Variants in NRXN1 observed in about 807,000 individuals in gnomAD.
The protein encoded by NRXN1 is neurexin 1, also known as neurexin-1.
In NRXN1, 39 loss-of-function variants were observed where a neutral mutation model predicts 150.9. The observed-to-expected ratio is 0.26, with a 90% CI of 0.20 to 0.34. The LOEUF (loss-of-function observed/expected upper bound fraction) is 0.34. Ranked by LOEUF, NRXN1 falls within the 10% of genes least tolerant of loss-of-function variation. The pLI, the probability that NRXN1 is intolerant of heterozygous loss-of-function variation, is 1.00. For missense variants in NRXN1, 1,815 were observed against 1,949.9 expected, an observed-to-expected ratio of 0.93 and a Z score of 1.30; for synonymous variants, 924 against 757.0, an observed-to-expected ratio of 1.22 and a Z score of -3.62.
intron 5 of NRXN1, among the ~76,000 whole-genome samples, chr2:50,855,138 G>A (rs1455361120): frequency 6.6e-6 from 1 of 151,830 alleles, no homozygotes; most frequent in African/African-American, 2.4e-5. Flanking sequence ...GTGGAGTGTG[G>A]GAGGTGGTTC....
chr2:50,633,404 T>C (rs1247019264), intron 5 of NRXN1, among the ~76,000 whole-genome samples: 1 of 152,110 alleles, frequency 6.6e-6, no homozygotes, highest in East Asian at 1.9e-4. Context: ...GGGTAATAAA[T>C]ATGTGATAAG....
chr2:50,385,170 C>T (rs1254143545), intron 17 of NRXN1, among the ~76,000 whole-genome samples: 1 of 152,218 alleles, frequency 6.6e-6, no homozygotes, highest in African/African-American at 2.4e-5. Context: ...TTTCCCCCAA[C>T]TTTCCCATTT....
chr2:50,389,705 A>C (rs547761871), intron 17 of NRXN1, among the ~76,000 whole-genome samples: 4 of 152,134 alleles, frequency 2.6e-5, no homozygotes, highest in African/African-American at 9.7e-5. Flanking sequence ...TTTTTTATCA[A>C]TGTCCATCTT....
chr2:50,140,322 C>A (rs1707083115), intron 18 of NRXN1, among the ~76,000 whole-genome samples: 2 of 151,938 alleles, frequency 1.3e-5, no homozygotes, highest in African/African-American at 4.8e-5. Flanking sequence ...AGCTTGTGAC[C>A]AAGAATTTTC....
intron 5 of NRXN1, among the ~76,000 whole-genome samples, chr2:50,894,329 C>CA (rs201262840): frequency 0.028 from 3,755 of 136,414 alleles, 57 homozygotes; most frequent in African/African-American, 0.049. Context: ...AAAATAAAAC[C>CA]AAAAAAAAAA....
At chr2:50,790,822 G>T (rs531556890) in intron 5 of NRXN1, among the ~76,000 whole-genome samples, 5 of 152,220 alleles carry the variant, frequency 3.3e-5, no homozygotes, top group Admixed American at 6.5e-5. Flanking sequence ...TCCCCCTAAA[G>T]AATGCTGAAT....
intron 12 of NRXN1, among the ~76,000 whole-genome samples, chr2:50,524,785 T>C (rs2092900713): frequency 6.6e-6 from 1 of 152,066 alleles, no homozygotes. Flanking sequence ...GGTCTAACGA[T>C]TTTTAAGGTT....
At chr2:50,913,529 G>C (rs1243051550) in intron 5 of NRXN1, among the ~76,000 whole-genome samples, 1 of 151,682 alleles carries the variant, frequency 6.6e-6, no homozygotes, top group Admixed American at 6.6e-5. Context: ...TTAATTTTCT[G>C]AATTATCTTA....
rs181016284 is a variant in NRXN1 at position 50,957,958 on chromosome 2, C to T, written c.773-32003G>A. Among the ~76,000 whole-genome samples the T allele has an allele frequency of 7.6e-4, 116 of 152,088 alleles. 1 individual carries two copies. Among genetic ancestry groups the T allele is most frequent in the African/African-American group, 2.7e-3 (111 of 41,500 alleles). On this transcript the variant is annotated intron_variant, in intron 2 of 22. Coordinates refer to ENST00000401669, the MANE Select transcript of NRXN1 (RefSeq NM_001330078.2). ...AAACAAGGGATCATTCAAGAGTTAG[C>T]TTTTTTTGTAGTGGAATCATTCCAC...
chr2:50,504,175 A>G (rs1237645725), intron 13 of NRXN1, among the ~76,000 whole-genome samples: 2 of 148,586 alleles, frequency 1.3e-5, no homozygotes, highest in Non-Finnish European at 1.5e-5. Flanking sequence ...CTGGCCCTAG[A>G]CTGCGCACTG....
intron 17 of NRXN1, among the ~76,000 whole-genome samples, chr2:50,408,837 A>ATCTCAATCTCTCTCTCTCTC (rs1491316519): frequency 7.3e-6 from 1 of 136,650 alleles, no homozygotes. Flanking sequence ...ATCAATCTCA[A>ATCTCAATCTCTCTCTCTCTC]TCTCTCTCTC....
At chr2:50,057,858 T>G (rs553707386) in intron 19 of NRXN1, among the ~76,000 whole-genome samples, 5 of 152,298 alleles carry the variant, frequency 3.3e-5, no homozygotes, top group African/African-American at 4.8e-5. Context: ...AATTTTATTT[T>G]TTGATGAATT....
At chr2:50,307,428 T>C (rs2074731620) in intron 17 of NRXN1, among the ~76,000 whole-genome samples, 1 of 152,178 alleles carries the variant, frequency 6.6e-6, no homozygotes, top group African/African-American at 2.4e-5. Flanking sequence ...GAAAAGCAAT[T>C]TAATTAGTCA....
intron 9 of NRXN1, chr2:50,551,136 G>A (rs1188465976): frequency 6.7e-6 from 1 of 149,908 alleles, no homozygotes; most frequent in African/African-American, 2.5e-5. Context: ...GGGGGAGGAA[G>A]AAAAAATGGT....
At chr2:49,931,494 A>C (rs1234252989) in intron 22 of NRXN1, among the ~76,000 whole-genome samples, 1 of 152,074 alleles carries the variant, frequency 6.6e-6, no homozygotes, top group Non-Finnish European at 1.5e-5. Flanking sequence ...ACAGTACTGC[A>C]AATAGTTGAC....
chr2:50,992,966 A>G (rs548180970), intron 2 of NRXN1, among the ~76,000 whole-genome samples: 2 of 152,100 alleles, frequency 1.3e-5, no homozygotes, highest in South Asian at 2.1e-4. Context: ...TTGCAGAATG[A>G]CTATATTTTT....
At chr2:50,176,135 G>T (rs1172344995) in intron 18 of NRXN1, among the ~76,000 whole-genome samples, 1 of 152,042 alleles carries the variant, frequency 6.6e-6, no homozygotes, top group Non-Finnish European at 1.5e-5. Flanking sequence ...GAATTAAAAG[G>T]TTTTCATCTT....
chr2:50,650,866 T>C (rs1031788042), intron 5 of NRXN1, among the ~76,000 whole-genome samples: 2 of 152,064 alleles, frequency 1.3e-5, no homozygotes, highest in East Asian at 1.9e-4. Context: ...AAAATGTTGA[T>C]AGTTAATATT....
At chr2:50,575,718 T>C (rs1182550964) in intron 8 of NRXN1, among the ~76,000 whole-genome samples, 1 of 152,214 alleles carries the variant, frequency 6.6e-6, no homozygotes, top group Non-Finnish European at 1.5e-5. Context: ...AGTCCACATC[T>C]GTTTTGCTTA....
Sources: allele counts gnomAD v4.1 joint callset (sites outside exome capture counted in the v4.1 genomes callset), GRCh38; gene constraint gnomAD v4.1.1; transcripts MANE v1.5; gene names NCBI Gene and HGNC (gene_info 2026-07-23, HGNC 2026-07-21).